The following HIPK3 variants were observed in gnomAD, a reference collection of about 807,000 sequenced individuals.
The protein encoded by HIPK3 is homeodomain interacting protein kinase 3.
Under a neutral mutation model 124.2 loss-of-function variants are expected in HIPK3, and 47 were observed. That is an observed-to-expected ratio of 0.38 (90% confidence interval 0.30 to 0.48). The LOEUF (loss-of-function observed/expected upper bound fraction) is 0.48. Among genes scored for constraint, HIPK3 ranks in the 20% least tolerant of loss-of-function variants. HIPK3 has a pLI of 0.98. For synonymous variants in HIPK3, 482 were observed against 515.2 expected (o/e 0.94, Z 0.87); for missense variants, 1,286 against 1,454.3 (o/e 0.88, Z 1.88).
intron 1 of HIPK3, among the ~76,000 whole-genome samples, chr11:33,268,059 A>G (rs964559804): frequency 6.6e-6 from 1 of 151,802 alleles, no homozygotes; most frequent in Non-Finnish European, 1.5e-5. Flanking sequence ...AAAAATACAA[A>G]AATCAGACGG....
chr11:33,347,707 C>T lies in HIPK3; in HGVS notation c.2098C>T (p.Leu700=), dbSNP rs1343246128. ...VTPLAPATTT[L]TSESVAGSHR... ...ACCCCTGGCTCCTGCTACTACTACA[C>T]TAACTTCTGAGAGTGTGGCTGGTTC... Residue 700 remains leucine (L), a synonymous_variant, in exon 10 of 17, where the codon CTA becomes TTA. Coordinates refer to ENST00000303296, the MANE Select transcript of HIPK3 (RefSeq NM_005734.5). 9 of 1,614,188 alleles carry T rather than the reference C, an allele frequency of 5.6e-6. No homozygotes were observed. The highest frequency in any genetic ancestry group is 5.3e-5 in the African/African-American group (4 of 75,048).
chr11:33,258,458 G>A, intron 1 of HIPK3: 2 of 985,410 alleles, frequency 2.0e-6, no homozygotes, highest in Non-Finnish European at 2.4e-6. Context: ...GTCAACTCTG[G>A]GGACGTGCGT....
chr11:33,353,230 G>A lies in HIPK3; in HGVS notation c.3310G>A (p.Ala1104Thr), dbSNP rs761725983. 1.9e-6 allele frequency: 3 copies of A among 1,614,080 alleles called. No individual in the cohort carries two copies. The Admixed American group carries it at 5.0e-5, about 27-fold the overall frequency. The stretch of plus-strand genomic sequence containing the variant: ...AAGTCCCAATCACACAGCAGTGCAT[G>A]CCCACCTGGCTGGAAATACACACCT... Reference protein sequence around the residue: ...HGSPNHTAVHAHLAGNTHLGG... With the variant: ...HGSPNHTAVHTHLAGNTHLGG... The change falls in exon 17 of 17, where the codon GCC becomes ACC. Residue 1104 changes from alanine to threonine, a missense_variant. Physicochemically the swap from Ala to Thr is moderately conservative, Grantham distance 58 (BLOSUM62 0). Coordinates refer to ENST00000303296, the MANE Select transcript of HIPK3 (RefSeq NM_005734.5).
Position 33,347,948 on chromosome 11 carries a change from G to A in HIPK3, c.2241G>A (p.Val747=), listed in dbSNP as rs764928890. 6.2e-7 allele frequency: 1 copy of A among 1,614,190 alleles called. No homozygotes were observed. Among genetic ancestry groups the A allele is most frequent in the Non-Finnish European group, 8.5e-7 (1 of 1,180,030 alleles). The change falls in exon 11 of 17, where the codon GTG becomes GTA. Residue 747 remains valine (V), a synonymous_variant. Coordinates refer to ENST00000303296, the MANE Select transcript of HIPK3 (RefSeq NM_005734.5). ...TATCTGCCCCTCAGCCAGTTAGTGT[G>A]GGGATTGCACATGTTGTCTGGCCTC... ...ITLSAPQPVS[V]GIAHVVWPQP...
chr11:33,265,144 G>A (rs559207316), intron 1 of HIPK3, among the ~76,000 whole-genome samples: 1 of 152,312 alleles, frequency 6.6e-6, no homozygotes, highest in East Asian at 1.9e-4. Flanking sequence ...TAAATAGGGT[G>A]TAGTGACATA....
At chr11:33,329,097 A>C (rs1010142807) in intron 3 of HIPK3, among the ~76,000 whole-genome samples, 3 of 152,144 alleles carry the variant, frequency 2.0e-5, no homozygotes, top group Non-Finnish European at 2.9e-5. Context: ...GTGGTGCTGA[A>C]ATTCTCTTTT....
rs181421671 is a variant in HIPK3 at position 33,357,009 on chromosome 11, A to G, written c.*3441A>G. ...GTCGATTCACTTTGAATTAAAATAT[A>G]TATATTGCAGCAAACAGCTTGTTGA... On this transcript the variant is annotated 3_prime_UTR_variant, in exon 17 of 17. Transcript: ENST00000303296. 6.6e-6 allele frequency: 1 copy of G among 152,278 alleles called. No homozygotes were observed. The highest frequency in any genetic ancestry group is 1.5e-5 in the Non-Finnish European group (1 of 67,978). 9.4% of individuals were successfully genotyped at this position (152,278 alleles called of 1,614,324 possible).
intron 2 of HIPK3, among the ~76,000 whole-genome samples, chr11:33,319,747 G>A (rs865946732): frequency 2.6e-5 from 4 of 152,166 alleles, no homozygotes; most frequent in South Asian, 2.1e-4. Context: ...AGTGTTTTAT[G>A]TGTTGGGAAT....
At chr11:33,257,370 C>T, upstream of HIPK3, 1 of 984,910 alleles carries the variant, frequency 1.0e-6, no homozygotes, top group Non-Finnish European at 1.2e-6. Context: ...GGGCCCGAGG[C>T]TGGGGCGGCT....
At chr11:33,292,242 T>A (rs1477403840) in intron 2 of HIPK3, among the ~76,000 whole-genome samples, 1 of 152,244 alleles carries the variant, frequency 6.6e-6, no homozygotes, top group Non-Finnish European at 1.5e-5. Context: ...TCAGACAGGT[T>A]CAAATTCACA....
Position 33,349,184 on chromosome 11 carries a change from A to G in HIPK3, c.2704A>G (p.Thr902Ala), listed in dbSNP as rs754101213. 1 of 1,613,970 alleles carries G rather than the reference A, an allele frequency of 6.2e-7. No homozygotes were observed. The highest frequency in any genetic ancestry group is 2.2e-5 in the East Asian group (1 of 44,872). ...TCTAGATTGTGAAGCTTGCCAGAGC[A>G]CTTTGAATATTGATCGGATGTGTTC... ...GSLDCEACQS[T>A]LNIDRMCSLS... The change falls in exon 14 of 17, where the codon ACT (threonine) becomes GCT (alanine). Residue 902 changes from threonine (T) to alanine (A), a missense_variant. Transcript: ENST00000303296.
chr11:33,320,310 C>G (rs1852626435), intron 2 of HIPK3, among the ~76,000 whole-genome samples: 1 of 152,126 alleles, frequency 6.6e-6, no homozygotes, highest in African/African-American at 2.4e-5. Flanking sequence ...AGGGTAAGGA[C>G]AGAAGCAAAG....
In HIPK3 at chr11:33,348,773, G is replaced by C. The variant is rs1391922814; in HGVS notation, c.2621G>C (p.Ser874Thr). 1 of 1,614,118 alleles carries C rather than the reference G, an allele frequency of 6.2e-7. No homozygotes were observed. Among genetic ancestry groups the C allele is most frequent in the South Asian group, 1.1e-5 (1 of 91,080 alleles). Reference sequence around the variant, plus strand: ...GCAGTGAGTGTCATCACTATCAGCAGTGACACTGATGAGGAAGAGACTTCC... The same window carrying C: ...GCAGTGAGTGTCATCACTATCAGCACTGACACTGATGAGGAAGAGACTTCC... ...SPAVSVITISSDTDEEETSQR... is the reference protein window; with the variant it reads ...SPAVSVITISTDTDEEETSQR... The change falls in exon 13 of 17, where the codon AGT (serine) becomes ACT (threonine). Residue 874 changes from serine (S) to threonine (T), a missense_variant. This residue lies in a region of HIPK3 where 810 missense variants were observed against 864.9 expected (regional missense o/e 0.94). Transcript: ENST00000303296.
intron 1 of HIPK3, among the ~76,000 whole-genome samples, chr11:33,277,994 T>G (rs376424963): frequency 1.3e-5 from 2 of 152,202 alleles, no homozygotes; most frequent in African/African-American, 4.8e-5. Context: ...GCAAATAACT[T>G]CTCTATGTCA....
At chr11:33,282,962 T>G (rs768834373) in intron 1 of HIPK3, among the ~76,000 whole-genome samples, 26 of 152,186 alleles carry the variant, frequency 1.7e-4, no homozygotes, top group Non-Finnish European at 2.8e-4. Flanking sequence ...AGTGCCTTAA[T>G]GGATGAGTTT....
intron 8 of HIPK3, 114 bp from the exon 9 acceptor site, chr11:33,347,179 C>CAAA: frequency 2.0e-5 from 17 of 870,438 alleles, no homozygotes; most frequent in South Asian, 3.7e-5. Flanking sequence ...GGCCCTGTCT[C>CAAA]AAAAAAAAAA....
intron 2 of HIPK3, among the ~76,000 whole-genome samples, chr11:33,324,781 C>G (rs574017850): frequency 6.6e-6 from 1 of 152,224 alleles, no homozygotes; most frequent in African/African-American, 2.4e-5. Flanking sequence ...CATAACTGCA[C>G]TGCTGTGGGA....
rs1034427261 is a variant in HIPK3, at chr11:33,354,401, T to C, written c.*833T>C. The C allele has an allele frequency of 6.6e-6, 1 of 152,654 alleles. No individual in the cohort carries two copies. The highest frequency in any genetic ancestry group is 1.5e-5 in the Non-Finnish European group (1 of 68,044). The allele number at this position is 152,654 out of a possible 1,614,324, so 9.5% of individuals were successfully genotyped here. A position where few individuals can be genotyped will look rare whatever the true frequency, so the allele number is the denominator to read the frequency against. On this transcript the variant is annotated 3_prime_UTR_variant, in exon 17 of 17. Transcript: ENST00000303296. ...AAAAATTGATTCAGTATCTAATGGA[T>C]AGTTGATAACTGTCACAGCACAGCA... is the stretch of plus-strand genomic sequence containing the variant.
At chr11:33,329,601 A>G (rs1380549988) in intron 3 of HIPK3, among the ~76,000 whole-genome samples, 3 of 152,174 alleles carry the variant, frequency 2.0e-5, no homozygotes, top group Non-Finnish European at 2.9e-5. Flanking sequence ...AGATGTTATC[A>G]TTGACTTTAA....
Sources: gnomAD v4.1 joint callset for allele counts (sites outside exome capture counted in the v4.1 genomes callset) on GRCh38, gnomAD v4.1.1 for gene constraint, gnomAD v4.1.1 regional missense constraint, MANE v1.5 for transcripts, NCBI Gene and HGNC (gene_info 2026-07-23, HGNC 2026-07-21) for gene names.